PLRG1: variants seen among roughly 807,000 people sequenced by gnomAD.
PLRG1 encodes pleiotropic regulator 1.
A neutral mutation model predicts 74.9 loss-of-function variants in PLRG1; 28 were observed. The observed-to-expected ratio is 0.37, with a 90% CI of 0.28 to 0.51. The LOEUF is 0.51. Ranked by LOEUF, PLRG1 falls within the 20% of genes least tolerant of loss-of-function variation. The pLI, the probability that PLRG1 is intolerant of heterozygous loss-of-function variation, is 0.91. For missense variants in PLRG1, 445 were observed against 631.9 expected, an observed-to-expected ratio of 0.70 and a Z score of 3.17; for synonymous variants, 197 against 212.4, an observed-to-expected ratio of 0.93 and a Z score of 0.63.
At chr4:154,543,163 T>C (rs184079923) in intron 7 of PLRG1, among the ~76,000 whole-genome samples, 1 of 152,328 alleles carries the variant, frequency 6.6e-6, no homozygotes, top group African/African-American at 2.4e-5. Context: ...TGTTTTTTGT[T>C]TTGAGATAGG....
intron 6 of PLRG1, 45 bp downstream of exon 6, chr4:154,545,791 T>A (rs1042035004): frequency 3.5e-6 from 4 of 1,127,466 alleles, no homozygotes; most frequent in South Asian, 2.6e-5. Flanking sequence ...TATGGCAACA[T>A]GTTCCAAAAG....
intron 1 of PLRG1, among the ~76,000 whole-genome samples, chr4:154,549,959 G>A (rs1387385675): frequency 1.3e-5 from 2 of 152,204 alleles, no homozygotes; most frequent in Admixed American, 1.3e-4. Flanking sequence ...ATCTTTTAGG[G>A]CACAGACTCA....
At chr4:154,547,155 CA>C in intron 3 of PLRG1, 91 bp from the exon 4 acceptor site, 1 of 925,244 alleles carries the variant, frequency 1.1e-6, no homozygotes, top group Non-Finnish European at 1.8e-6. Context: ...ATTAAGTTTT[CA>C]ACTGGATCTA....
intron 2 of PLRG1, 68 bp downstream of exon 2, chr4:154,548,761 C>T: frequency 2.5e-6 from 2 of 809,524 alleles, no homozygotes; most frequent in African/African-American, 1.7e-5. Context: ...ACTCCCTCTC[C>T]CTGCTCTCTT....
At chr4:154,539,001 C>A (rs1167082470) in intron 12 of PLRG1, 104 bp downstream of exon 12, 21 of 730,650 alleles carry the variant, frequency 2.9e-5, no homozygotes, top group Non-Finnish European at 5.0e-5. Context: ...CTAGAAATGA[C>A]AGCAGCTAAA....
In PLRG1 at chr4:154,550,349, T is replaced by C; in HGVS notation, c.-41A>G. 3 of 1,604,334 alleles carry C rather than the reference T, an allele frequency of 1.9e-6. No homozygotes were observed. The highest frequency in any genetic ancestry group is 2.6e-6 in the Non-Finnish European group (3 of 1,171,238). On this transcript the variant is annotated 5_prime_UTR_variant, in exon 1 of 15. Coordinates refer to ENST00000499023, the MANE Select transcript of PLRG1 (RefSeq NM_002669.4). ...CCCACCTCCGGCAGGGAAGAAACTC[T>C]AATCACTAACGCAGTACCCGCCGCC...
rs189224886 is a variant in PLRG1, at chr4:154,541,891, A to G, written c.687+296T>C. On this transcript the variant is annotated intron_variant, in intron 8 of 14. Coordinates refer to ENST00000499023, the MANE Select transcript of PLRG1 (RefSeq NM_002669.4). ...ACTTTCCTAATTCTCTATATTTTCC[A>G]CATTTTCTATGAATGAGCATGCTCT... is the stretch of plus-strand genomic sequence containing the variant. 72 of 329,050 alleles carry G rather than the reference A, an allele frequency of 2.2e-4. No individual in the cohort carries two copies. In the Admixed American group the frequency reaches 2.9e-3, roughly 13 times the overall value. The allele number at this position is 329,050 out of a possible 1,614,324, so 20.4% of individuals were successfully genotyped here.
intron 7 of PLRG1, among the ~76,000 whole-genome samples, chr4:154,543,140 G>GT: frequency 6.6e-6 from 1 of 152,148 alleles, no homozygotes; most frequent in Middle Eastern, 3.4e-3. Context: ...ATTACACACT[G>GT]TATGTTTTTC....
Position 154,535,467 on chromosome 4 carries a change from T to C in PLRG1, c.*1218A>G, listed in dbSNP as rs926843994. On this transcript the variant is annotated 3_prime_UTR_variant, in exon 15 of 15. Transcript: ENST00000499023. The stretch of plus-strand genomic sequence containing the variant: ...TTTCAATAAATCCCAGAAAACTACA[T>C]TCCTAAAGGCTGTGACAATTATACT... 8.6e-5 allele frequency: 13 copies of C among 151,098 alleles called. No individual in the cohort carries two copies. Among genetic ancestry groups the C allele is most frequent in the Admixed American group, 1.3e-4 (2 of 15,060 alleles). The allele number at this position is 151,098 out of a possible 1,614,324, so 9.4% of individuals were successfully genotyped here.
intron 7 of PLRG1, among the ~76,000 whole-genome samples, chr4:154,543,119 G>C (rs905531103): frequency 6.6e-6 from 1 of 152,044 alleles, no homozygotes; most frequent in African/African-American, 2.4e-5. Context: ...CCCAATTACC[G>C]TGATTTGATC....
Position 154,535,187 on chromosome 4 carries a change from C to G in PLRG1, c.*1498G>C, listed in dbSNP as rs1395103376. 1 of 151,348 alleles carries G rather than the reference C, an allele frequency of 6.6e-6. No individual in the cohort carries two copies. Among genetic ancestry groups the G allele is most frequent in the African/African-American group, 2.4e-5 (1 of 40,830 alleles). 9.4% of individuals were successfully genotyped at this position (151,348 alleles called of 1,614,324 possible). On this transcript the variant is annotated 3_prime_UTR_variant, in exon 15 of 15. Coordinates refer to ENST00000499023, the MANE Select transcript of PLRG1 (RefSeq NM_002669.4). Reference sequence around the variant, plus strand: ...ATCAAGTTGTCCACAAAAATGCTTGCACAACTTTTTTTTTTACCCAAGTTT... The same window carrying G: ...ATCAAGTTGTCCACAAAAATGCTTGGACAACTTTTTTTTTTACCCAAGTTT...
At chr4:154,544,032 T>C (rs1446822413) in intron 7 of PLRG1, 1 of 165,092 alleles carries the variant, frequency 6.1e-6, no homozygotes, top group Non-Finnish European at 1.3e-5. Flanking sequence ...CTGCTGAAGT[T>C]AGCATGCATG....
chr4:154,548,882 G>GGGAC lies in PLRG1; in HGVS notation c.62_63insGTCC (p.His22SerfsTer3). 1 of 1,611,552 alleles carries GGGAC rather than the reference G, an allele frequency of 6.2e-7. No homozygotes were observed. The highest frequency in any genetic ancestry group is 8.5e-7 in the Non-Finnish European group (1 of 1,178,200). ...CATTATCAGCTACAAACATGTCATG[G>GGGAC]GTCCTCTTCAACGACCTGAACACAA... On this transcript the variant is annotated frameshift_variant, in exon 2 of 15. Coordinates refer to ENST00000499023, the MANE Select transcript of PLRG1 (RefSeq NM_002669.4). LOFTEE classifies it high-confidence loss of function.
rs1729735605 is a variant in PLRG1 at position 154,550,133 on chromosome 4, AC to A, written c.9+166del. Among the ~76,000 whole-genome samples the A allele has an allele frequency of 2.0e-5, 3 of 152,236 alleles. No individual in the cohort carries two copies. The South Asian group carries it at 6.2e-4, about 32-fold the overall frequency. ...CGACTCGGGTTCTCATCCGGCTTCT[AC>A]CCCTTCCCCGAAAACCCGAAGAAGA... On this transcript the variant is annotated intron_variant, in intron 1 of 14. Coordinates refer to ENST00000499023, the MANE Select transcript of PLRG1 (RefSeq NM_002669.4).
intron 14 of PLRG1, 127 bp downstream of exon 14, chr4:154,537,159 A>AC: frequency 1.7e-6 from 1 of 574,528 alleles, no homozygotes; most frequent in Non-Finnish European, 3.0e-6. Flanking sequence ...ATATAAATGG[A>AC]CACTATTCAA....
At chr4:154,541,371 AC>A (rs1729553342) in intron 8 of PLRG1, among the ~76,000 whole-genome samples, 1 of 152,164 alleles carries the variant, frequency 6.6e-6, no homozygotes, top group African/African-American at 2.4e-5. Flanking sequence ...GGAATGTACA[AC>A]CAATGTGCTG....
chr4:154,535,373 TAC>T lies in PLRG1; in HGVS notation c.*1310_*1311del, dbSNP rs1472843430. 7.9e-5 allele frequency: 12 copies of T among 151,884 alleles called. No individual in the cohort carries two copies. The highest frequency in any genetic ancestry group is 1.3e-4 in the Non-Finnish European group (9 of 67,978). The allele number at this position is 151,884 out of a possible 1,614,324, so 9.4% of individuals were successfully genotyped here. A position where few individuals can be genotyped will look rare whatever the true frequency, so the allele number is the denominator to read the frequency against. On this transcript the variant is annotated 3_prime_UTR_variant, in exon 15 of 15. Transcript: ENST00000499023. ...CAAAGGTGCAATGACTTTGCTTGTG[TAC>T]ACTTGTCAGATCATTCCCATTAGGC...
At chr4:154,546,428 C>A (rs1560809083) in intron 4 of PLRG1, 1 of 539,864 alleles carries the variant, frequency 1.9e-6, no homozygotes, top group Non-Finnish European at 3.3e-6. Context: ...TTGATCACAG[C>A]CCACATGGTA....
chr4:154,543,551 G>GA (rs944918878), intron 7 of PLRG1, among the ~76,000 whole-genome samples: 7 of 151,620 alleles, frequency 4.6e-5, no homozygotes, highest in South Asian at 2.1e-4. Context: ...TGAAATTATT[G>GA]AAAAAAAATA....
Sources: allele counts gnomAD v4.1 joint callset (sites outside exome capture counted in the v4.1 genomes callset), GRCh38; gene constraint gnomAD v4.1.1; transcripts MANE v1.5; gene names NCBI Gene and HGNC (gene_info 2026-07-23, HGNC 2026-07-21).